CNTNAP5: variants seen among roughly 807,000 people sequenced by gnomAD.
CNTNAP5 encodes contactin associated protein family member 5, also known as contactin-associated protein-like 5.
In CNTNAP5, 72 loss-of-function variants were observed where a neutral mutation model predicts 150.2. That is an observed-to-expected ratio of 0.48 (90% CI 0.40 to 0.58). CNTNAP5 has a LOEUF of 0.58. CNTNAP5 is among the 20% of genes least tolerant of loss of function. CNTNAP5 has a pLI of 0.00. For synonymous variants in CNTNAP5, 672 were observed against 619.8 expected, an observed-to-expected ratio of 1.08 and a Z score of -1.25; for missense variants, 1,636 against 1,626.2, an observed-to-expected ratio of 1.01 and a Z score of -0.10.
At chr2:124,786,399 G>GA (rs1558775105) in intron 17 of CNTNAP5, among the ~76,000 whole-genome samples, 1,318 of 68,946 alleles carry the variant, frequency 0.019, 4 homozygotes, top group Non-Finnish European at 0.022. Flanking sequence ...AAGAAAGAAA[G>GA]AAGGAAGGAA....
intron 13 of CNTNAP5, among the ~76,000 whole-genome samples, chr2:124,733,143 T>A (rs1323428663): frequency 6.6e-6 from 1 of 152,148 alleles, no homozygotes; most frequent in South Asian, 2.1e-4. Context: ...ATGTGTATAT[T>A]CTAAACACAC....
intron 13 of CNTNAP5, among the ~76,000 whole-genome samples, chr2:124,721,820 G>A (rs1232411074): frequency 6.6e-6 from 1 of 152,094 alleles, no homozygotes; most frequent in African/African-American, 2.4e-5. Flanking sequence ...AGATTGAGTG[G>A]CTTAAAGAAC....
chr2:124,209,181 C>G (rs1685941363), intron 1 of CNTNAP5, among the ~76,000 whole-genome samples: 1 of 152,170 alleles, frequency 6.6e-6, no homozygotes, highest in African/African-American at 2.4e-5. Context: ...CAACCAGGCT[C>G]TCCTCCAAAT....
intron 21 of CNTNAP5, among the ~76,000 whole-genome samples, chr2:124,893,140 A>G (rs907634291): frequency 3.9e-5 from 6 of 152,158 alleles, no homozygotes; most frequent in African/African-American, 1.4e-4. Flanking sequence ...GTACCATCCT[A>G]CAGGCTGGGA....
chr2:124,196,283 T>C (rs1343322193), intron 1 of CNTNAP5, among the ~76,000 whole-genome samples: 1 of 152,100 alleles, frequency 6.6e-6, no homozygotes, highest in Non-Finnish European at 1.5e-5. Context: ...CTGGAGTGGA[T>C]TTTCAATCCA....
intron 1 of CNTNAP5, among the ~76,000 whole-genome samples, chr2:124,088,366 A>C (rs888389471): frequency 1.3e-5 from 2 of 151,934 alleles, no homozygotes; most frequent in African/African-American, 4.8e-5. Context: ...CAGCGTGTTC[A>C]TAATTGATTA....
At chr2:124,476,908 C>G (rs920869812) in intron 7 of CNTNAP5, among the ~76,000 whole-genome samples, 2 of 152,050 alleles carry the variant, frequency 1.3e-5, no homozygotes, top group Admixed American at 1.3e-4. Context: ...TTATCTGCAC[C>G]AGTTGGTCTC....
In CNTNAP5 at chr2:124,869,889, C is replaced by G. The variant is rs552464725; in HGVS notation, c.3436+127C>G. On this transcript the variant is annotated intron_variant, in intron 21 of 23. Transcript: ENST00000682447. ...CTCCCATAATATCTGAGATCTGAAA[C>G]CAAGATTTCTTATTCAGAAAATGCC... is the stretch of plus-strand genomic sequence containing the variant. The G allele has an allele frequency of 3.5e-5, 17 of 487,732 alleles. No individual in the cohort carries two copies. The South Asian group carries it at 7.2e-4, about 21-fold the overall frequency. The allele number at this position is 487,732 out of a possible 1,614,324, so 30.2% of individuals were successfully genotyped here.
chr2:124,131,109 T>G (rs1683832793), intron 1 of CNTNAP5, among the ~76,000 whole-genome samples: 1 of 152,196 alleles, frequency 6.6e-6, no homozygotes, highest in Admixed American at 6.5e-5. Flanking sequence ...GTGTTTTAGT[T>G]GATGTATCCT....
intron 13 of CNTNAP5, among the ~76,000 whole-genome samples, chr2:124,668,904 C>T (rs945503093): frequency 6.6e-6 from 1 of 152,126 alleles, no homozygotes; most frequent in African/African-American, 2.4e-5. Context: ...CTTCCTCAGA[C>T]ACATCCTTTA....
chr2:124,872,612 C>A (rs779965749), intron 21 of CNTNAP5, among the ~76,000 whole-genome samples: 4 of 151,220 alleles, frequency 2.6e-5, no homozygotes, highest in African/African-American at 7.3e-5. Flanking sequence ...AATTTGAGCT[C>A]CATACCTGAA....
intron 1 of CNTNAP5, among the ~76,000 whole-genome samples, chr2:124,127,030 A>G (rs181509049): frequency 6.6e-6 from 1 of 152,308 alleles, no homozygotes; most frequent in East Asian, 1.9e-4. Flanking sequence ...CACCACTCTT[A>G]TTCAACATAC....
chr2:124,427,132 G>T (rs1208707561), intron 4 of CNTNAP5, among the ~76,000 whole-genome samples: 1 of 152,130 alleles, frequency 6.6e-6, no homozygotes, highest in African/African-American at 2.4e-5. Context: ...GCTGTGTTCT[G>T]GGTCACTGGC....
intron 17 of CNTNAP5, among the ~76,000 whole-genome samples, chr2:124,788,017 A>T (rs1295044368): frequency 1.3e-5 from 2 of 152,180 alleles, no homozygotes; most frequent in African/African-American, 4.8e-5. Context: ...CTCCATTAGT[A>T]CATCTGGTAG....
chr2:124,859,508 T>A (rs906045076), intron 19 of CNTNAP5, among the ~76,000 whole-genome samples: 2 of 152,222 alleles, frequency 1.3e-5, no homozygotes, highest in African/African-American at 2.4e-5. Flanking sequence ...TGGCGATTCC[T>A]CAGGGATCTA....
At chr2:124,120,114 T>C (rs750112004) in intron 1 of CNTNAP5, among the ~76,000 whole-genome samples, 5 of 152,094 alleles carry the variant, frequency 3.3e-5, no homozygotes, top group Non-Finnish European at 5.9e-5. Flanking sequence ...CACCAGCCAT[T>C]GTGGTTGTCA....
chr2:124,501,947 A>G lies in CNTNAP5; in HGVS notation c.1063-2345A>G, dbSNP rs376202690. ...CGCTAAAGACAAAGAAGTTTTAGAT[A>G]GCTGGAGTGGCTTCACAGGGGCAAG... On this transcript the variant is annotated intron_variant, in intron 7 of 23. Coordinates refer to ENST00000682447, the MANE Select transcript of CNTNAP5 (RefSeq NM_001367498.1). 9.2e-5 allele frequency among the ~76,000 whole-genome samples: 14 copies of G among 152,296 alleles called. No individual in the cohort carries two copies. The East Asian group carries it at 1.5e-3, about 17-fold the overall frequency.
intron 2 of CNTNAP5, among the ~76,000 whole-genome samples, chr2:124,230,732 A>G (rs1237035243): frequency 1.3e-5 from 2 of 151,930 alleles, no homozygotes; most frequent in African/African-American, 4.8e-5. Context: ...GGGTTTCACC[A>G]TATTGGTCAG....
intron 3 of CNTNAP5, among the ~76,000 whole-genome samples, chr2:124,284,675 G>A (rs74672399): frequency 6.6e-6 from 1 of 151,998 alleles, no homozygotes; most frequent in East Asian, 1.9e-4. Context: ...GTGTTCTCAA[G>A]AAACTAAAAG....
Sources: gnomAD v4.1 joint callset for allele counts (sites outside exome capture counted in the v4.1 genomes callset) on GRCh38, gnomAD v4.1.1 for gene constraint, MANE v1.5 for transcripts, NCBI Gene and HGNC (gene_info 2026-07-23, HGNC 2026-07-21) for gene names.